CD36: variants seen among roughly 807,000 people sequenced by gnomAD.
The protein encoded by CD36 is CD36 molecule (CD36 blood group), also known as platelet glycoprotein 4.
CD36 carries 119 observed loss-of-function variants against 55.2 expected under a neutral mutation model. That is an observed-to-expected ratio of 2.15 (90% CI 1.86 to 2.51). The LOEUF (loss-of-function observed/expected upper bound fraction) is 2.51, where lower values mean the gene tolerates loss of function less well. Ranked by LOEUF, CD36 falls within the 30% of genes most tolerant of loss-of-function variation. The pLI, the probability that CD36 is intolerant of heterozygous loss-of-function variation, is 0.00. For synonymous variants in CD36, 186 were observed against 193.6 expected, an observed-to-expected ratio of 0.96 and a Z score of 0.33; for missense variants, 819 against 555.5, an observed-to-expected ratio of 1.47 and a Z score of -4.77.
At chr7:80,616,263 T>A (rs1332531658) in intron 1 of CD36, among the ~76,000 whole-genome samples, 2 of 152,172 alleles carry the variant, frequency 1.3e-5, no homozygotes, top group Non-Finnish European at 2.9e-5. Context: ...TTGGGCAAAA[T>A]CATCTAATAC....
chr7:80,602,973 G>C (rs1792326324), intron 1 of CD36, among the ~76,000 whole-genome samples: 1 of 152,068 alleles, frequency 6.6e-6, no homozygotes, highest in African/African-American at 2.4e-5. Context: ...TTGACTCCTA[G>C]ACAGAAGAAA....
intron 14 of CD36, 181 bp from the exon 15 acceptor site, chr7:80,676,202 CA>C (rs1379115117): frequency 6.6e-6 from 1 of 152,114 alleles, no homozygotes. Flanking sequence ...TTTACTTTTA[CA>C]AAGCACACCT....
intron 1 of CD36, among the ~76,000 whole-genome samples, chr7:80,619,151 C>G (rs1233233533): frequency 6.6e-6 from 1 of 152,122 alleles, no homozygotes; most frequent in Non-Finnish European, 1.5e-5. Flanking sequence ...ATAAATGGAA[C>G]AACAAAGCCT....
At chr7:80,633,084 G>A (rs183110823) in intron 1 of CD36, 7 of 151,768 alleles carry the variant, frequency 4.6e-5, no homozygotes, top group Admixed American at 1.3e-4. Flanking sequence ...TTTTTTCCTC[G>A]AATAATTTCC....
intron 1 of CD36, among the ~76,000 whole-genome samples, chr7:80,604,487 G>A (rs562482821): frequency 2.7e-5 from 4 of 149,278 alleles, no homozygotes; most frequent in Admixed American, 6.8e-5. Context: ...GACAAACCAC[G>A]TGGAGAAGTA....
intron 14 of CD36, among the ~76,000 whole-genome samples, chr7:80,675,312 T>A (rs1798116105): frequency 6.6e-6 from 1 of 151,536 alleles, no homozygotes; most frequent in South Asian, 2.1e-4. Flanking sequence ...ATGTAATAGA[T>A]CATCCGCTGA....
intron 9 of CD36, chr7:80,670,737 T>A (rs575380417): frequency 8.0e-5 from 41 of 513,860 alleles, no homozygotes; most frequent in African/African-American, 5.7e-4. Context: ...TTGGATAAAT[T>A]GCCTGTGAGA....
At chr7:80,675,670 G>A (rs1385925549) in intron 14 of CD36, among the ~76,000 whole-genome samples, 1 of 152,072 alleles carries the variant, frequency 6.6e-6, no homozygotes, top group African/African-American at 2.4e-5. Context: ...CAAAAGATAT[G>A]TAGATTTTCT....
chr7:80,672,063 TG>T, intron 11 of CD36, 23 bp downstream of exon 11: 1 of 1,552,218 alleles, frequency 6.4e-7, no homozygotes, highest in Non-Finnish European at 8.9e-7. Context: ...CTTATTGATC[TG>T]ATTTGGTTGA....
At chr7:80,668,620 A>G (rs1000618294) in intron 8 of CD36, among the ~76,000 whole-genome samples, 4 of 152,356 alleles carry the variant, frequency 2.6e-5, no homozygotes, top group Admixed American at 2.6e-4. Flanking sequence ...TAATTAGGAC[A>G]TAATCTTCAA....
At chr7:80,666,329 G>A in intron 7 of CD36, 114 bp from the exon 8 acceptor site, 1 of 746,302 alleles carries the variant, frequency 1.3e-6, no homozygotes, top group Non-Finnish European at 2.3e-6. Flanking sequence ...CTTAGTACTT[G>A]TCACATTTAA....
At chr7:80,666,274 T>C (rs1431462548) in intron 7 of CD36, 169 bp from the exon 8 acceptor site, 7 of 613,434 alleles carry the variant, frequency 1.1e-5, no homozygotes, top group African/African-American at 5.5e-5. Context: ...TGCAATAAGA[T>C]AAAAGGTTCA....
chr7:80,661,322 G>A (rs956146232), intron 5 of CD36, 112 bp downstream of exon 5: 15 of 1,005,020 alleles, frequency 1.5e-5, no homozygotes, highest in African/African-American at 3.2e-5. Context: ...TTATCAAAAC[G>A]TATTCCTATA....
At chr7:80,649,271 A>G (rs551549607) in intron 3 of CD36, among the ~76,000 whole-genome samples, 15 of 152,208 alleles carry the variant, frequency 9.9e-5, no homozygotes, top group African/African-American at 2.6e-4. Flanking sequence ...AAATGTAAGC[A>G]ATCTGTAGGA....
rs771394616 is a variant in CD36 at position 80,656,582 on chromosome 7, G to GT, written c.165dup (p.Lys56Ter). The GT allele has an allele frequency of 6.2e-7, 1 of 1,613,584 alleles. No homozygotes were observed. Among genetic ancestry groups the GT allele is most frequent in the African/African-American group, 1.3e-5 (1 of 74,880 alleles). On this transcript the variant is annotated frameshift_variant, in exon 4 of 15. Transcript: ENST00000447544. LOFTEE classifies it high-confidence loss of function. ...AGGTACAATTGCTTTTAAAAATTGG[G>GT]TTAAAACAGGCACAGAAGTTTACAG...
At chr7:80,609,388 C>A (rs1792750205) in intron 1 of CD36, among the ~76,000 whole-genome samples, 1 of 152,142 alleles carries the variant, frequency 6.6e-6, no homozygotes. Context: ...ACAATGCAGT[C>A]CTGGCATAAG....
chr7:80,678,527 C>T lies in CD36; in HGVS notation c.*2144C>T, dbSNP rs2116953845. ...GGTATCATTTCAAGAAAAAAAATAG[C>T]TATCACGCAATGGTTATCTCTGAAA... On this transcript the variant is annotated 3_prime_UTR_variant, in exon 15 of 15. Coordinates refer to ENST00000447544, the MANE Select transcript of CD36 (RefSeq NM_001001548.3). 6.6e-6 allele frequency: 1 copy of T among 152,200 alleles called. No homozygotes were observed. Among genetic ancestry groups the T allele is most frequent in the Non-Finnish European group, 1.5e-5 (1 of 68,012 alleles). 9.4% of individuals were successfully genotyped at this position (152,200 alleles called of 1,614,324 possible).
At chr7:80,626,439 A>G (rs778236703) in intron 1 of CD36, among the ~76,000 whole-genome samples, 3 of 152,114 alleles carry the variant, frequency 2.0e-5, no homozygotes, top group Non-Finnish European at 2.9e-5. Context: ...CTTAGCTTAA[A>G]TCTACAGAAT....
intron 1 of CD36, among the ~76,000 whole-genome samples, chr7:80,622,825 G>T (rs2115923372): frequency 6.6e-6 from 1 of 152,256 alleles, no homozygotes; most frequent in African/African-American, 2.4e-5. Context: ...TGCATCTCTA[G>T]AATATGAACT....
Sources: allele counts gnomAD v4.1 joint callset (sites outside exome capture counted in the v4.1 genomes callset), GRCh38; gene constraint gnomAD v4.1.1; transcripts MANE v1.5; gene names NCBI Gene and HGNC (gene_info 2026-07-23, HGNC 2026-07-21).